PIGL: variants seen among roughly 807,000 people sequenced by gnomAD.
The protein encoded by PIGL is N-acetylglucosaminyl-phosphatidylinositol de-N-acetylase.
A neutral mutation model predicts 31.1 loss-of-function variants in PIGL; 22 were observed. The observed-to-expected ratio is 0.71, with a 90% CI of 0.51 to 1.01. The LOEUF (loss-of-function observed/expected upper bound fraction) is 1.01. Ranked by LOEUF, PIGL falls within the 50% of genes least tolerant of loss-of-function variation. The pLI, the probability that PIGL is intolerant of heterozygous loss-of-function variation, is 0.00. For synonymous variants in PIGL, 131 were observed against 117.4 expected (o/e 1.12, Z -0.75); for missense variants, 302 against 315.9 (o/e 0.96, Z 0.33).
intron 3 of PIGL, among the ~76,000 whole-genome samples, chr17:16,303,722 T>C (rs1226940461): frequency 6.6e-6 from 1 of 151,284 alleles, no homozygotes; most frequent in East Asian, 1.9e-4. Flanking sequence ...TATTTTTTTT[T>C]TTCTTTTTTT....
intron 3 of PIGL, among the ~76,000 whole-genome samples, chr17:16,305,496 C>T (rs1018651354): frequency 3.9e-5 from 6 of 152,108 alleles, no homozygotes; most frequent in African/African-American, 1.4e-4. Flanking sequence ...ATGACAGGTG[C>T]CATTGTCATG....
intron 6 of PIGL, 85 bp downstream of exon 6, chr17:16,317,993 C>G (rs2093085820): frequency 6.5e-6 from 8 of 1,224,106 alleles, no homozygotes; most frequent in Non-Finnish European, 2.4e-6. Flanking sequence ...CTGCAGAAGC[C>G]CTAACTGAAG....
intron 3 of PIGL, among the ~76,000 whole-genome samples, chr17:16,302,684 C>T (rs1043441587): frequency 6.6e-6 from 1 of 152,096 alleles, no homozygotes; most frequent in African/African-American, 2.4e-5. Flanking sequence ...ACTGCAGCAT[C>T]CAACTCCCTG....
At position 16,326,022 on chromosome 17, in the gene PIGL, CA is replaced by C. The variant is rs369998370; in HGVS notation, c.*128del. The C allele has an allele frequency of 1.6e-5, 11 of 681,994 alleles. No individual in the cohort carries two copies. Among genetic ancestry groups the C allele is most frequent in the Middle Eastern group, 3.8e-4 (1 of 2,630 alleles). 42.2% of individuals were successfully genotyped at this position (681,994 alleles called of 1,614,324 possible). ...GAGATCCCCGCTGGAGCAGCCTCTG[CA>C]AAAGGGAGCCCATGTAGGCCAGGGG... On this transcript the variant is annotated 3_prime_UTR_variant, in exon 7 of 7. Transcript: ENST00000225609.
chr17:16,253,911 C>T (rs2092782788), intron 2 of PIGL, among the ~76,000 whole-genome samples: 1 of 152,016 alleles, frequency 6.6e-6, no homozygotes, highest in African/African-American at 2.4e-5. Flanking sequence ...CCACTGTACT[C>T]CCACTTAGGT....
Position 16,326,201 on chromosome 17 carries a change from G to C in PIGL, c.*303G>C, listed in dbSNP as rs2093126533. On this transcript the variant is annotated 3_prime_UTR_variant, in exon 7 of 7. Coordinates refer to ENST00000225609, the MANE Select transcript of PIGL (RefSeq NM_004278.4). ...CAGTAGATGTGGAACACCTAGCCCA[G>C]TGCCTGGGCAGGTCCCTATTATCAT... 1.8e-5 allele frequency: 6 copies of C among 334,688 alleles called. No homozygotes were observed. Among genetic ancestry groups the C allele is most frequent in the Non-Finnish European group, 3.3e-5 (6 of 183,052 alleles). 20.7% of individuals were successfully genotyped at this position (334,688 alleles called of 1,614,324 possible). A position where few individuals can be genotyped will look rare whatever the true frequency, so the allele number is the denominator to read the frequency against.
chr17:16,250,207 T>C (rs2092765353), intron 2 of PIGL, among the ~76,000 whole-genome samples: 1 of 152,122 alleles, frequency 6.6e-6, no homozygotes, highest in Non-Finnish European at 1.5e-5. Flanking sequence ...TCCTTTGTCT[T>C]GCGAAGTGCT....
intron 2 of PIGL, among the ~76,000 whole-genome samples, chr17:16,282,999 A>G (rs906939572): frequency 1.5e-5 from 2 of 132,614 alleles, no homozygotes; most frequent in African/African-American, 2.6e-5. Flanking sequence ...ATGTCTACCA[A>G]AAAAGAATTT....
intron 1 of PIGL, among the ~76,000 whole-genome samples, chr17:16,222,292 A>G (rs2092632918): frequency 1.3e-5 from 2 of 151,974 alleles, no homozygotes; most frequent in Non-Finnish European, 2.9e-5. Flanking sequence ...GCTGGACTTT[A>G]AAAATAGGAG....
At chr17:16,286,306 C>G (rs2092937371) in intron 2 of PIGL, among the ~76,000 whole-genome samples, 1 of 152,258 alleles carries the variant, frequency 6.6e-6, no homozygotes, top group Non-Finnish European at 1.5e-5. Flanking sequence ...GCGAAGTCTC[C>G]TGCTCTGAGC....
intron 2 of PIGL, among the ~76,000 whole-genome samples, chr17:16,261,387 A>G (rs1459345157): frequency 6.6e-6 from 1 of 152,196 alleles, no homozygotes; most frequent in African/African-American, 2.4e-5. Context: ...ATGACACCAA[A>G]ACAGTAATCA....
chr17:16,283,450 A>C (rs543663457), intron 2 of PIGL, among the ~76,000 whole-genome samples: 2 of 152,256 alleles, frequency 1.3e-5, no homozygotes, highest in East Asian at 3.9e-4. Flanking sequence ...CCTGGATGAC[A>C]GAGCAAGACC....
At chr17:16,245,195 A>G (rs11653500) in intron 2 of PIGL, among the ~76,000 whole-genome samples, 77,935 of 151,692 alleles carry the variant, frequency 0.51, 20,390 homozygotes, top group Middle Eastern at 0.58. Context: ...GTTTCACCAC[A>G]TTGGCCAGGA....
intron 2 of PIGL, among the ~76,000 whole-genome samples, chr17:16,261,311 C>T (rs1055542693): frequency 6.6e-6 from 1 of 152,146 alleles, no homozygotes; most frequent in Non-Finnish European, 1.5e-5. Flanking sequence ...CAGAAGGCAT[C>T]ACTGGCCACA....
intron 2 of PIGL, among the ~76,000 whole-genome samples, chr17:16,251,450 GT>G (rs2092771393): frequency 6.6e-6 from 1 of 151,346 alleles, no homozygotes. Flanking sequence ...ACCAACGTGG[GT>G]TTATGAGTAC....
chr17:16,321,487 G>A (rs1202014736), intron 6 of PIGL, among the ~76,000 whole-genome samples: 6 of 151,714 alleles, frequency 4.0e-5, no homozygotes, highest in Non-Finnish European at 7.4e-5. Context: ...TGATCCACCC[G>A]CCTTGGCCTT....
chr17:16,299,777 A>AC (rs11422750), intron 2 of PIGL, 111 bp from the exon 3 acceptor site: 27,570 of 759,570 alleles, frequency 0.036, 676 homozygotes, highest in African/African-American at 0.09. Context: ...AAGGGCAGGG[A>AC]CCCTTACCCC....
chr17:16,302,977 G>A lies in PIGL; in HGVS notation c.426+2999G>A, dbSNP rs533742395. On this transcript the variant is annotated intron_variant, in intron 3 of 6. Transcript: ENST00000225609. ...GAAGTCCTGAACACTGGTGAACAACGTTGGTCTTTGCCGAGGGGCCAGATT... is the reference window on the plus strand; with the variant it reads ...GAAGTCCTGAACACTGGTGAACAACATTGGTCTTTGCCGAGGGGCCAGATT... 3.3e-4 allele frequency among the ~76,000 whole-genome samples: 50 copies of A among 152,260 alleles called. No homozygotes were observed. The East Asian group carries it at 3.7e-3, about 11-fold the overall frequency.
intron 2 of PIGL, among the ~76,000 whole-genome samples, chr17:16,280,026 G>T (rs2092910094): frequency 6.6e-6 from 1 of 152,120 alleles, no homozygotes; most frequent in South Asian, 2.1e-4. Context: ...TACCAGTAGA[G>T]GAACAGACAA....
Sources: allele counts gnomAD v4.1 joint callset (sites outside exome capture counted in the v4.1 genomes callset), GRCh38; gene constraint gnomAD v4.1.1; transcripts MANE v1.5; gene names NCBI Gene and HGNC (gene_info 2026-07-23, HGNC 2026-07-21).